Variants in SORCS3 observed in about 807,000 individuals in gnomAD.
SORCS3 encodes the protein VPS10 domain-containing receptor SorCS3.
In SORCS3, 57 loss-of-function variants were observed where a neutral mutation model predicts 146.3. The ratio of observed to expected loss-of-function variants is 0.39; its 90% CI spans 0.31 to 0.49. SORCS3 has a LOEUF of 0.49. Ranked by LOEUF, SORCS3 falls within the 20% of genes least tolerant of loss-of-function variation. The pLI, the probability that SORCS3 is intolerant of heterozygous loss-of-function variation, is 0.92. For missense variants in SORCS3, 1,341 were observed against 1,575.5 expected, an observed-to-expected ratio of 0.85 and a Z score of 2.52; for synonymous variants, 653 against 618.5, an observed-to-expected ratio of 1.06 and a Z score of -0.83.
At chr10:105,009,543 A>C (rs790656) in intron 4 of SORCS3, among the ~76,000 whole-genome samples, 31 of 120,192 alleles carry the variant, frequency 2.6e-4, no homozygotes, top group Middle Eastern at 5.0e-3. Flanking sequence ...AAAAAAAAAA[A>C]AAAAAAAACC....
chr10:105,016,995 G>A (rs925246618), intron 4 of SORCS3, among the ~76,000 whole-genome samples: 1 of 152,134 alleles, frequency 6.6e-6, no homozygotes, highest in Non-Finnish European at 1.5e-5. Context: ...CTCATTTGGA[G>A]GACAGCATTT....
At chr10:105,244,638 T>C (rs1157863694) in intron 20 of SORCS3, among the ~76,000 whole-genome samples, 1 of 152,164 alleles carries the variant, frequency 6.6e-6, no homozygotes, top group Non-Finnish European at 1.5e-5. Context: ...TAATAAATGA[T>C]CACAAATATG....
chr10:105,003,077 T>A (rs2055071714), intron 4 of SORCS3, among the ~76,000 whole-genome samples: 1 of 152,164 alleles, frequency 6.6e-6, no homozygotes, highest in South Asian at 2.1e-4. Context: ...CCCTGACAGC[T>A]GGGATCTGGA....
At chr10:105,122,824 T>C (rs577632162) in intron 7 of SORCS3, among the ~76,000 whole-genome samples, 2 of 152,334 alleles carry the variant, frequency 1.3e-5, no homozygotes, top group South Asian at 4.1e-4. Flanking sequence ...GCTAATTTAC[T>C]TGAGGGGCTC....
At chr10:104,684,450 C>T (rs145609854) in intron 1 of SORCS3, among the ~76,000 whole-genome samples, 36 of 152,310 alleles carry the variant, frequency 2.4e-4, no homozygotes, top group Middle Eastern at 3.4e-3. Context: ...AATTTTTCAA[C>T]ATTTTTTGAG....
chr10:104,908,218 T>G (rs1318874163), intron 2 of SORCS3, among the ~76,000 whole-genome samples: 1 of 152,224 alleles, frequency 6.6e-6, no homozygotes, highest in Non-Finnish European at 1.5e-5. Context: ...GAAGCATAGT[T>G]GTATCTTTTG....
intron 2 of SORCS3, among the ~76,000 whole-genome samples, chr10:104,887,253 G>A (rs2018698619): frequency 6.6e-6 from 1 of 152,148 alleles, no homozygotes; most frequent in East Asian, 1.9e-4. Flanking sequence ...GACTTTTTGG[G>A]TGCGAGTAGC....
chr10:105,003,998 C>CTT (rs35604992), intron 4 of SORCS3, among the ~76,000 whole-genome samples: 8,633 of 135,990 alleles, frequency 0.063, 748 homozygotes, highest in African/African-American at 0.16. Context: ...TCTCTTCTCT[C>CTT]TCTTTTTTTT....
At chr10:105,008,707 C>T (rs1040157539) in intron 4 of SORCS3, among the ~76,000 whole-genome samples, 6 of 152,162 alleles carry the variant, frequency 3.9e-5, no homozygotes, top group East Asian at 1.9e-4. Flanking sequence ...AGTGCAGTGG[C>T]GCCATCTCAA....
At chr10:105,050,559 G>A (rs554001971) in intron 5 of SORCS3, among the ~76,000 whole-genome samples, 66 of 152,202 alleles carry the variant, frequency 4.3e-4, no homozygotes, top group Non-Finnish European at 6.6e-4. Flanking sequence ...TCCTTCTCCA[G>A]TCAAGCCTTC....
chr10:105,045,155 A>C (rs1439618274), intron 5 of SORCS3, among the ~76,000 whole-genome samples: 1 of 152,154 alleles, frequency 6.6e-6, no homozygotes, highest in African/African-American at 2.4e-5. Flanking sequence ...AGGAAAGCAC[A>C]CTGGGCTAGA....
At chr10:104,988,899 G>C (rs1386144664) in intron 4 of SORCS3, among the ~76,000 whole-genome samples, 1 of 152,118 alleles carries the variant, frequency 6.6e-6, no homozygotes, top group Non-Finnish European at 1.5e-5. Flanking sequence ...ATCCTAATTA[G>C]TACCAGTCAT....
intron 1 of SORCS3, among the ~76,000 whole-genome samples, chr10:104,738,994 G>A (rs564461324): frequency 6.8e-4 from 104 of 152,262 alleles, no homozygotes; most frequent in African/African-American, 2.4e-3. Flanking sequence ...GTTTTCTCTG[G>A]TGGTCTCTTT....
chr10:105,066,369 G>A (rs942100919), intron 5 of SORCS3, among the ~76,000 whole-genome samples: 1 of 152,146 alleles, frequency 6.6e-6, no homozygotes, highest in African/African-American at 2.4e-5. Flanking sequence ...AGAGATGAAC[G>A]GGGTGAGAAA....
intron 1 of SORCS3, among the ~76,000 whole-genome samples, chr10:104,828,164 C>G (rs1026997645): frequency 6.6e-6 from 1 of 152,162 alleles, no homozygotes; most frequent in African/African-American, 2.4e-5. Context: ...TTGGCAAACT[C>G]TGGCACAAGA....
At chr10:105,255,277 A>G (rs1325045745) in intron 23 of SORCS3, among the ~76,000 whole-genome samples, 1 of 151,904 alleles carries the variant, frequency 6.6e-6, no homozygotes, top group African/African-American at 2.4e-5. Context: ...AACAATGAGA[A>G]CACATGGACA....
chr10:104,869,610 C>G (rs1280649193), intron 2 of SORCS3, among the ~76,000 whole-genome samples: 1 of 152,208 alleles, frequency 6.6e-6, no homozygotes, highest in Non-Finnish European at 1.5e-5. Context: ...CGGATGGACC[C>G]TCTAGGCACT....
intron 3 of SORCS3, among the ~76,000 whole-genome samples, chr10:104,974,296 G>T (rs1000642895): frequency 1.3e-5 from 2 of 152,140 alleles, no homozygotes; most frequent in African/African-American, 4.8e-5. Context: ...ACAGTGGGGT[G>T]TTAAAGTCTC....
intron 2 of SORCS3, among the ~76,000 whole-genome samples, chr10:104,892,311 T>C (rs1023223438): frequency 6.6e-6 from 1 of 152,228 alleles, no homozygotes; most frequent in Non-Finnish European, 1.5e-5. Context: ...ATTTTTACCT[T>C]ACTCACAGTT....
Sources: gnomAD v4.1 joint callset for allele counts (sites outside exome capture counted in the v4.1 genomes callset) on GRCh38, gnomAD v4.1.1 for gene constraint, MANE v1.5 for transcripts, NCBI Gene and HGNC (gene_info 2026-07-23, HGNC 2026-07-21) for gene names.